The following USH2A variants were observed in gnomAD, a reference collection of about 807,000 sequenced individuals.
USH2A encodes the protein Usher syndrome 2A (autosomal recessive, mild).
A neutral mutation model predicts 538.9 loss-of-function variants in USH2A; 443 were observed. The ratio of observed to expected loss-of-function variants is 0.82; its 90% CI spans 0.76 to 0.89. The LOEUF (loss-of-function observed/expected upper bound fraction) is 0.89. USH2A is among the 40% of genes least tolerant of loss of function. The pLI is 0.00. For synonymous variants in USH2A, 2,413 were observed against 2,273.5 expected (o/e 1.06, Z -1.75); for missense variants, 6,633 against 6,324.8 (o/e 1.05, Z -1.65).
chr1:215,695,051 T>C (rs983933808), intron 61 of USH2A, among the ~76,000 whole-genome samples: 1 of 152,262 alleles, frequency 6.6e-6, no homozygotes, highest in Admixed American at 6.5e-5. Context: ...TATTATAATT[T>C]ACCAAATATT....
At chr1:216,142,981 G>A (rs879720792) in intron 21 of USH2A, among the ~76,000 whole-genome samples, 3 of 152,088 alleles carry the variant, frequency 2.0e-5, no homozygotes, top group Non-Finnish European at 4.4e-5. Context: ...TTACGCATCT[G>A]TAAACAGTTA....
At chr1:215,993,290 C>G in intron 34 of USH2A, 123 bp from the exon 35 acceptor site, 1 of 1,417,516 alleles carries the variant, frequency 7.1e-7, no homozygotes, top group Non-Finnish European at 9.8e-7. Flanking sequence ...TTTACTTCCC[C>G]AAAATAAATT....
At chr1:216,085,438 G>C (rs1162595362) in intron 24 of USH2A, among the ~76,000 whole-genome samples, 3 of 151,864 alleles carry the variant, frequency 2.0e-5, no homozygotes, top group African/African-American at 7.3e-5. Flanking sequence ...GTGCAAATGA[G>C]AGAATTAGAG....
chr1:216,283,027 A>T (rs2036811937), intron 11 of USH2A, among the ~76,000 whole-genome samples: 2 of 152,164 alleles, frequency 1.3e-5, no homozygotes, highest in South Asian at 4.1e-4. Flanking sequence ...ATATATGGAA[A>T]TATAATTGAT....
intron 30 of USH2A, among the ~76,000 whole-genome samples, chr1:216,067,058 C>G (rs965256044): frequency 4.6e-5 from 7 of 151,954 alleles, no homozygotes; most frequent in African/African-American, 1.7e-4. Flanking sequence ...TGTTGGAAAC[C>G]CTGGAAGTAG....
At chr1:215,723,125 A>G (rs1659710163) in intron 61 of USH2A, among the ~76,000 whole-genome samples, 1 of 152,098 alleles carries the variant, frequency 6.6e-6, no homozygotes. Flanking sequence ...TCAATAATGG[A>G]AGGTATTGGT....
rs2037682180 is a variant in USH2A, at chr1:216,324,270, C to T, written c.1226G>A (p.Trp409Ter). 5 of 1,613,146 alleles carry T rather than the reference C, an allele frequency of 3.1e-6. No homozygotes were observed. The South Asian group carries it at 5.5e-5, about 18-fold the overall frequency. Residue 409 changes from tryptophan (W) to a stop codon, truncating the protein, a stop_gained, in exon 7 of 72, where the codon TGG (tryptophan) becomes TAG (stop). Transcript: ENST00000307340. LOFTEE classifies it high-confidence loss of function. ...IQRKKENSLD[W>*]EDWQYFARNC... is the part of the protein sequence containing the mutation. The stretch of plus-strand genomic sequence containing the variant: ...CCTGGCAAAATATTGCCAGTCCTCC[C>T]AATCTAAACTATTTTCCTTCTTCCT...
intron 11 of USH2A, among the ~76,000 whole-genome samples, chr1:216,278,760 A>G (rs1046400561): frequency 1.3e-5 from 2 of 152,232 alleles, no homozygotes; most frequent in Non-Finnish European, 2.9e-5. Context: ...AAATATAAGA[A>G]TATACTTCAG....
At chr1:215,667,639 A>G (rs1190335485) in intron 64 of USH2A, among the ~76,000 whole-genome samples, 1 of 152,104 alleles carries the variant, frequency 6.6e-6, no homozygotes, top group Admixed American at 6.6e-5. Context: ...CGGAGGTTAC[A>G]GTGAGCCAAG....
intron 30 of USH2A, among the ~76,000 whole-genome samples, chr1:216,054,042 C>T (rs567844015): frequency 3.0e-4 from 46 of 152,304 alleles, no homozygotes; most frequent in African/African-American, 1.1e-3. Context: ...AGAAGTCCTT[C>T]ACAGTGATTT....
In USH2A at chr1:216,221,744, C is replaced by T. The variant is rs572086858; in HGVS notation, c.2994-4194G>A. On this transcript the variant is annotated intron_variant, in intron 14 of 71. Coordinates refer to ENST00000307340, the MANE Select transcript of USH2A (RefSeq NM_206933.4). ...TGATCTGAGAACACTGTCTCTTTCTCCTTTGTTGACACTCCACATATTTAT... is the reference window on the plus strand; with the variant it reads ...TGATCTGAGAACACTGTCTCTTTCTTCTTTGTTGACACTCCACATATTTAT... Among the ~76,000 whole-genome samples the T allele has an allele frequency of 4.6e-5, 7 of 152,304 alleles. No individual in the cohort carries two copies. The South Asian group carries it at 1.5e-3, about 32-fold the overall frequency.
At chr1:215,875,915 T>A (rs1293475908) in intron 43 of USH2A, among the ~76,000 whole-genome samples, 1 of 143,274 alleles carries the variant, frequency 7.0e-6, no homozygotes, top group African/African-American at 2.5e-5. Flanking sequence ...TATAAATATA[T>A]AATATATATT....
chr1:216,064,206 T>C (rs1484631395), intron 30 of USH2A, among the ~76,000 whole-genome samples: 1 of 152,196 alleles, frequency 6.6e-6, no homozygotes, highest in Non-Finnish European at 1.5e-5. Context: ...TTCTATTTAC[T>C]CATTCATTTA....
chr1:216,050,707 C>G (rs2030749358), intron 30 of USH2A, among the ~76,000 whole-genome samples: 1 of 149,746 alleles, frequency 6.7e-6, no homozygotes, highest in Non-Finnish European at 1.5e-5. Flanking sequence ...CGGGTTGGAG[C>G]CATTCTCCTG....
intron 32 of USH2A, among the ~76,000 whole-genome samples, chr1:216,023,382 G>A (rs920056873): frequency 7.2e-6 from 1 of 139,416 alleles, no homozygotes; most frequent in African/African-American, 2.7e-5. Context: ...CAGGAGATTT[G>A]GGTCTCTTTC....
chr1:215,846,213 TTTTA>T (rs1663842870), intron 44 of USH2A, among the ~76,000 whole-genome samples, 180 bp from the exon 45 acceptor site: 1 of 152,142 alleles, frequency 6.6e-6, no homozygotes, highest in Non-Finnish European at 1.5e-5. Flanking sequence ...ATAGTTTTTA[TTTTA>T]TTTATTTATT....
chr1:216,014,741 G>A (rs550422121), intron 32 of USH2A, among the ~76,000 whole-genome samples: 1 of 152,306 alleles, frequency 6.6e-6, no homozygotes, highest in South Asian at 2.1e-4. Context: ...CCTTAGACGT[G>A]TTACAAGGAA....
chr1:216,015,137 T>C (rs887189383), intron 32 of USH2A, among the ~76,000 whole-genome samples: 13 of 152,224 alleles, frequency 8.5e-5, no homozygotes, highest in African/African-American at 3.1e-4. Context: ...ATTAGATGTT[T>C]AAAAATTTTA....
chr1:215,666,404 T>C lies in USH2A; in HGVS notation c.14133+4568A>G, dbSNP rs1048871777. 1.1e-4 allele frequency among the ~76,000 whole-genome samples: 16 copies of C among 152,226 alleles called. 1 individual carries two copies. Among genetic ancestry groups the C allele is most frequent in the African/African-American group, 3.6e-4 (15 of 41,464 alleles). Reference sequence around the variant, plus strand: ...GGACCCTTCTTTAGGAAAGCCAGGATAGACCAACGTCAATAGGCTATTATC... The same window carrying C: ...GGACCCTTCTTTAGGAAAGCCAGGACAGACCAACGTCAATAGGCTATTATC... On this transcript the variant is annotated intron_variant, in intron 64 of 71. Coordinates refer to ENST00000307340, the MANE Select transcript of USH2A (RefSeq NM_206933.4).
Sources: allele counts gnomAD v4.1 joint callset (sites outside exome capture counted in the v4.1 genomes callset), GRCh38; gene constraint gnomAD v4.1.1; transcripts MANE v1.5; gene names NCBI Gene and HGNC (gene_info 2026-07-23, HGNC 2026-07-21).